Variants in NELL2 observed in about 807,000 individuals in gnomAD.
NELL2 encodes the protein neural EGFL like 2.
A neutral mutation model predicts 109.6 loss-of-function variants in NELL2; 41 were observed. The ratio of observed to expected loss-of-function variants is 0.37; its 90% CI spans 0.29 to 0.49. The LOEUF (loss-of-function observed/expected upper bound fraction) is 0.49. Ranked by LOEUF, NELL2 falls within the 20% of genes least tolerant of loss-of-function variation. The probability of loss-of-function intolerance (pLI) is 0.98; values close to 1 mark genes in which losing one functional copy is unlikely to be tolerated. For synonymous variants in NELL2, 355 were observed against 344.7 expected (o/e 1.03, Z -0.33); for missense variants, 900 against 1,008.3 (o/e 0.89, Z 1.45).
intron 9 of NELL2, among the ~76,000 whole-genome samples, chr12:44,753,227 T>C (rs1239706373): frequency 6.6e-6 from 1 of 152,174 alleles, no homozygotes; most frequent in African/African-American, 2.4e-5. Context: ...TCCTTCATGG[T>C]ACTTTCAATT....
chr12:44,750,725 A>G (rs1940614381), intron 9 of NELL2, among the ~76,000 whole-genome samples: 1 of 152,146 alleles, frequency 6.6e-6, no homozygotes, highest in South Asian at 2.1e-4. Context: ...TTATGTTTCT[A>G]TATAATAGAT....
chr12:44,515,261 G>A (rs541125542), intron 19 of NELL2, among the ~76,000 whole-genome samples: 16 of 151,794 alleles, frequency 1.1e-4, no homozygotes, highest in East Asian at 1.9e-4. Flanking sequence ...ATATAAAACC[G>A]TTGACAGATT....
intron 1 of NELL2, among the ~76,000 whole-genome samples, chr12:44,909,017 C>T (rs1945750264): frequency 6.6e-6 from 1 of 151,666 alleles, no homozygotes; most frequent in Non-Finnish European, 1.5e-5. Flanking sequence ...CAATACAATG[C>T]TCTATTAAGT....
chr12:44,838,205 T>A (rs1041131757), intron 2 of NELL2, among the ~76,000 whole-genome samples: 1 of 152,180 alleles, frequency 6.6e-6, no homozygotes, highest in Non-Finnish European at 1.5e-5. Context: ...ATATCCATTA[T>A]TAAAGGTAAT....
At chr12:44,627,261 G>A (rs1262793553) in intron 13 of NELL2, among the ~76,000 whole-genome samples, 1 of 152,042 alleles carries the variant, frequency 6.6e-6, no homozygotes, top group Non-Finnish European at 1.5e-5. Flanking sequence ...AAATCTAAGT[G>A]GGCATTTATT....
intron 15 of NELL2, among the ~76,000 whole-genome samples, chr12:44,552,406 CA>C (rs1292876820): frequency 2.0e-5 from 3 of 151,434 alleles, no homozygotes; most frequent in African/African-American, 7.4e-5. Flanking sequence ...TAAAAACCTT[CA>C]CATATTTTCT....
Position 44,711,290 on chromosome 12 carries a change from AC to A in NELL2, c.1189+1del, listed in dbSNP as rs768104038. ...AAACCTTACTTTTCAAAAAAGTCTT[AC>A]CTTTACAAACTTTGCAACAGCTGTG... On this transcript the variant is annotated splice_donor_variant, in intron 11 of 19. Coordinates refer to ENST00000429094, the MANE Select transcript of NELL2 (RefSeq NM_001145108.2). LOFTEE classifies it high-confidence loss of function. 1 of 1,609,606 alleles carries A rather than the reference AC, an allele frequency of 6.2e-7. No homozygotes were observed.
chr12:44,592,887 C>A (rs1944811986), intron 15 of NELL2, among the ~76,000 whole-genome samples: 1 of 152,158 alleles, frequency 6.6e-6, no homozygotes, highest in Non-Finnish European at 1.5e-5. Flanking sequence ...ATAGCCAAAG[C>A]ATTTTTAGAA....
chr12:44,826,435 T>C (rs1943714147), intron 2 of NELL2, among the ~76,000 whole-genome samples: 1 of 152,348 alleles, frequency 6.6e-6, no homozygotes, highest in African/African-American at 2.4e-5. Context: ...TTACTCTCCA[T>C]TGCTCTTACT....
At chr12:44,762,998 C>T (rs1303123611) in intron 9 of NELL2, among the ~76,000 whole-genome samples, 1 of 152,134 alleles carries the variant, frequency 6.6e-6, no homozygotes, top group African/African-American at 2.4e-5. Context: ...TTCTCCAGCT[C>T]ATAAATTCAT....
chr12:44,533,069 C>T (rs1049099598), intron 15 of NELL2, among the ~76,000 whole-genome samples: 7 of 152,136 alleles, frequency 4.6e-5, no homozygotes, highest in Admixed American at 2.6e-4. Flanking sequence ...GGTATGGCCA[C>T]GTGATAGGTG....
intron 15 of NELL2, among the ~76,000 whole-genome samples, chr12:44,576,011 C>G (rs1334675187): frequency 6.6e-6 from 1 of 152,210 alleles, no homozygotes; most frequent in Non-Finnish European, 1.5e-5. Flanking sequence ...CTCTGTGCTC[C>G]AGGCACATTG....
rs564158773 is a variant in NELL2, at chr12:44,610,849, T to C, written c.1566A>G (p.Lys522=). 2 of 1,612,884 alleles carry C rather than the reference T, an allele frequency of 1.2e-6. No individual in the cohort carries two copies. The highest frequency in any genetic ancestry group is 1.1e-5 in the South Asian group (1 of 91,058). The change falls in exon 14 of 20, where the codon AAA becomes AAG. Residue 522 remains lysine (K), a splice_region_variant and synonymous_variant. Coordinates refer to ENST00000429094, the MANE Select transcript of NELL2 (RefSeq NM_001145108.2). Reference sequence around the variant, plus strand: ...GGCACTGGCATTTAAACCTTTTACCTTTGCATGTCGTTCCATTCCCTGTAT... The same window carrying C: ...GGCACTGGCATTTAAACCTTTTACCCTTGCATGTCGTTCCATTCCCTGTAT... ...PGYTGNGTTC[K]AFCKDGCRNG...
chr12:44,520,837 G>A (rs1222843209), intron 18 of NELL2, among the ~76,000 whole-genome samples: 1 of 152,118 alleles, frequency 6.6e-6, no homozygotes, highest in Admixed American at 6.5e-5. Flanking sequence ...GTTCCCACCT[G>A]TTTCCTATTT....
chr12:44,593,194 G>A (rs1422089529), intron 15 of NELL2, among the ~76,000 whole-genome samples: 3 of 152,156 alleles, frequency 2.0e-5, no homozygotes, highest in Admixed American at 6.5e-5. Context: ...GCTTAGGAGA[G>A]GTGTCGAGAT....
chr12:44,632,739 C>T (rs968165895), intron 13 of NELL2, among the ~76,000 whole-genome samples: 3 of 151,942 alleles, frequency 2.0e-5, no homozygotes, highest in African/African-American at 7.2e-5. Context: ...AAAAGAAAAA[C>T]CTTTGTACAT....
At chr12:44,630,209 T>A (rs1946401868) in intron 13 of NELL2, among the ~76,000 whole-genome samples, 1 of 152,216 alleles carries the variant, frequency 6.6e-6, no homozygotes, top group South Asian at 2.1e-4. Flanking sequence ...GTTGAGCACT[T>A]ACAATGTGCC....
At chr12:44,704,698 T>C (rs1269242995) in intron 11 of NELL2, among the ~76,000 whole-genome samples, 1 of 152,172 alleles carries the variant, frequency 6.6e-6, no homozygotes, top group Non-Finnish European at 1.5e-5. Flanking sequence ...TTGCACTTTC[T>C]AATGGATTAC....
intron 13 of NELL2, among the ~76,000 whole-genome samples, chr12:44,659,203 G>T (rs1161944015): frequency 1.3e-5 from 2 of 151,930 alleles, no homozygotes; most frequent in East Asian, 3.9e-4. Context: ...AAGTAAGATG[G>T]ATTAAAGACT....
Sources: gnomAD v4.1 joint callset for allele counts (sites outside exome capture counted in the v4.1 genomes callset) on GRCh38, gnomAD v4.1.1 for gene constraint, MANE v1.5 for transcripts, NCBI Gene and HGNC (gene_info 2026-07-23, HGNC 2026-07-21) for gene names.